The following MEA1 variants were observed in gnomAD, a reference collection of about 807,000 sequenced individuals.
MEA1 encodes the protein male-enhanced antigen 1, also known as Male-enhanced antigen (H-Y structural gene).
Under a neutral mutation model 21.4 loss-of-function variants are expected in MEA1, and 22 were observed. That is an observed-to-expected ratio of 1.03 (90% CI 0.73 to 1.47). The LOEUF (loss-of-function observed/expected upper bound fraction) is 1.47, where lower values mean the gene tolerates loss of function less well. Ranked by LOEUF, MEA1 falls within the 40% of genes most tolerant of loss-of-function variation. The pLI, the probability that MEA1 is intolerant of heterozygous loss-of-function variation, is 0.00. For synonymous variants in MEA1, 91 were observed against 85.5 expected (o/e 1.06, Z -0.35); for missense variants, 233 against 230.5 (o/e 1.01, Z -0.07).
chr6:43,013,689 C>T, intron 1 of MEA1, 97 bp downstream of exon 1: 2 of 1,307,768 alleles, frequency 1.5e-6, no homozygotes, highest in Non-Finnish European at 2.2e-6. Context: ...CGCGCCACGC[C>T]TCCCCCGCGA....
Position 43,012,332 on chromosome 6 carries a change from G to C in MEA1, c.*138C>G. On this transcript the variant is annotated 3_prime_UTR_variant, in exon 4 of 4. Transcript: ENST00000244711. The stretch of plus-strand genomic sequence containing the variant: ...ATATGTACAGAACTGAATAAAGTGG[G>C]TCTCTGAGAAGTCTGATGTGCCTTG... 6.8e-7 allele frequency: 1 copy of C among 1,471,946 alleles called. No homozygotes were observed. Among genetic ancestry groups the C allele is most frequent in the African/African-American group, 1.4e-5 (1 of 70,826 alleles). The allele number at this position is 1,471,946 out of a possible 1,614,324, so 91.2% of individuals were successfully genotyped here.
chr6:43,012,990 ACT>A lies in MEA1; in HGVS notation c.340_341del (p.Ser114Ter). 1 of 1,613,626 alleles carries A rather than the reference ACT, an allele frequency of 6.2e-7. No individual in the cohort carries two copies. Among genetic ancestry groups the A allele is most frequent in the Non-Finnish European group, 8.5e-7 (1 of 1,179,930 alleles). ...TAGCTCCCTCCTCATCTTCATCTTC[ACT>A]CTCTAATGGTGGGTCTGGCAAATGA... is the stretch of plus-strand genomic sequence containing the variant. ...GLHLPDPPLE[S>X]EDEDEEGATA... On this transcript the variant is annotated frameshift_variant, in exon 3 of 4. Transcript: ENST00000244711. LOFTEE classifies it high-confidence loss of function.
rs1358792077 is a variant in MEA1 at position 43,011,343 on chromosome 6, G to A, written c.*1127C>T. On this transcript the variant is annotated 3_prime_UTR_variant, in exon 4 of 4. Transcript: ENST00000244711. ...CACACAGCCCTGGGACACTGCCCTG[G>A]CCCTCCATACTCTGCTCCCTACTGG... The A allele has an allele frequency of 7.5e-6, 12 of 1,606,490 alleles. No homozygotes were observed. The East Asian group carries it at 2.7e-4, about 36-fold the overall frequency.
At chr6:43,015,004 T>C (rs1762527287), upstream of MEA1, among the ~76,000 whole-genome samples, 2 of 152,184 alleles carry the variant, frequency 1.3e-5, no homozygotes, top group South Asian at 4.1e-4. Flanking sequence ...GAGTTGTTTA[T>C]ATGGCAGAGA....
chr6:43,012,904 G>A (rs1486100617), intron 3 of MEA1, 22 bp downstream of exon 3: 27 of 1,596,252 alleles, frequency 1.7e-5, no homozygotes, highest in South Asian at 7.7e-5. Context: ...AATTATTCCA[G>A]AATGAAAGAA....
chr6:43,012,452 AGGC>A lies in MEA1; in HGVS notation c.*15_*17del. 17 of 1,578,870 alleles carry A rather than the reference AGGC, an allele frequency of 1.1e-5. No homozygotes were observed. The highest frequency in any genetic ancestry group is 1.5e-5 in the Non-Finnish European group (17 of 1,164,750). ...TTCTGGCCTGGAATGTAGGAATATA[AGGC>A]AGCTCTCACTGTGGTCACTTCCAGG... On this transcript the variant is annotated 3_prime_UTR_variant, in exon 4 of 4. Coordinates refer to ENST00000244711, the MANE Select transcript of MEA1 (RefSeq NM_014623.4).
chr6:43,011,239 C>T lies in MEA1; in HGVS notation c.*1231G>A, dbSNP rs1363040405. The T allele has an allele frequency of 6.2e-6, 10 of 1,613,958 alleles. No individual in the cohort carries two copies. The highest frequency in any genetic ancestry group is 8.5e-6 in the Non-Finnish European group (10 of 1,180,014). ...GTACACCATCAAGGCACTGGAGGCG[C>T]ACAAGCGGGCGGAAGAGTTCCTAAC... On this transcript the variant is annotated 3_prime_UTR_variant, in exon 4 of 4. Transcript: ENST00000244711.
At position 43,012,194 on chromosome 6, in the gene MEA1, G is replaced by A. The variant is rs1048652108; in HGVS notation, c.*276C>T. 43 of 1,141,872 alleles carry A rather than the reference G, an allele frequency of 3.8e-5. No homozygotes were observed. Among genetic ancestry groups the A allele is most frequent in the Non-Finnish European group, 4.4e-5 (41 of 930,616 alleles). The allele number at this position is 1,141,872 out of a possible 1,614,324, so 70.7% of individuals were successfully genotyped here. A position where few individuals can be genotyped will look rare whatever the true frequency, so the allele number is the denominator to read the frequency against. On this transcript the variant is annotated 3_prime_UTR_variant, in exon 4 of 4. Transcript: ENST00000244711. Reference sequence around the variant, plus strand: ...GAGGGGCCAGGGGCTGAGGAAGGCCGGACCCAGGTTCCAGGGGCGCAGGCA... The same window carrying A: ...GAGGGGCCAGGGGCTGAGGAAGGCCAGACCCAGGTTCCAGGGGCGCAGGCA...
In MEA1 at chr6:43,012,242, T is replaced by C. The variant is rs1386689285; in HGVS notation, c.*228A>G. ...GCAGTGCGGCTTTTGGCTGTGTACA[T>C]AGGGTGCTTTATTCTCCACAGAGTG... On this transcript the variant is annotated 3_prime_UTR_variant, in exon 4 of 4. Coordinates refer to ENST00000244711, the MANE Select transcript of MEA1 (RefSeq NM_014623.4). 4 of 1,264,406 alleles carry C rather than the reference T, an allele frequency of 3.2e-6. No homozygotes were observed. The highest frequency in any genetic ancestry group is 4.0e-6 in the Non-Finnish European group (4 of 1,003,248). 78.3% of individuals were successfully genotyped at this position (1,264,406 alleles called of 1,614,324 possible).
In MEA1 at chr6:43,012,211, G is replaced by T. The variant is rs544252415; in HGVS notation, c.*259C>A. On this transcript the variant is annotated 3_prime_UTR_variant, in exon 4 of 4. Transcript: ENST00000244711. ...GGAAGGCCGGACCCAGGTTCCAGGG[G>T]CGCAGGCAGTGCGGCTTTTGGCTGT... is the stretch of plus-strand genomic sequence containing the variant. 3 of 1,173,190 alleles carry T rather than the reference G, an allele frequency of 2.6e-6. No individual in the cohort carries two copies. In the African/African-American group the frequency reaches 4.7e-5, roughly 19 times the overall value. 72.7% of individuals were successfully genotyped at this position (1,173,190 alleles called of 1,614,324 possible). A position where few individuals can be genotyped will look rare whatever the true frequency, so the allele number is the denominator to read the frequency against.
chr6:43,014,209 G>T, upstream of MEA1: 1 of 1,298,562 alleles, frequency 7.7e-7, no homozygotes, highest in Non-Finnish European at 1.0e-6. Context: ...GACTGCACGT[G>T]CGCGCACAGC....
In MEA1 at chr6:43,011,264, C is replaced by G; in HGVS notation, c.*1206G>C. On this transcript the variant is annotated 3_prime_UTR_variant, in exon 4 of 4. Transcript: ENST00000244711. Reference sequence around the variant, plus strand: ...CACAAGCGGGCGGAAGAGTTCCTAACTGCCAGCCAGGAGGCTCTCTGACCC... The same window carrying G: ...CACAAGCGGGCGGAAGAGTTCCTAAGTGCCAGCCAGGAGGCTCTCTGACCC... 6.2e-7 allele frequency: 1 copy of G among 1,614,028 alleles called. No individual in the cohort carries two copies. The highest frequency in any genetic ancestry group is 1.1e-5 in the South Asian group (1 of 91,090).
chr6:43,014,248 TG>T, upstream of MEA1: 1 of 1,043,614 alleles, frequency 9.6e-7, no homozygotes, highest in Non-Finnish European at 1.3e-6. Flanking sequence ...AGCTTGGCTG[TG>T]TTTATCTCGT....
upstream of MEA1, chr6:43,014,055 G>T: frequency 7.0e-7 from 1 of 1,424,670 alleles, no homozygotes; most frequent in Non-Finnish European, 9.1e-7. Context: ...ACAAAGGACT[G>T]CATTACCCAG....
upstream of MEA1, chr6:43,014,115 A>G (rs755823060): frequency 4.8e-5 from 68 of 1,413,608 alleles, no homozygotes; most frequent in Middle Eastern, 2.6e-4. Flanking sequence ...AATCTCTCCT[A>G]CGCCCCTGCC....
rs769476708 is a variant in MEA1, at chr6:43,012,627, A to G, written c.407-6T>C. 2.7e-5 allele frequency: 43 copies of G among 1,591,650 alleles called. No homozygotes were observed. Among genetic ancestry groups the G allele is most frequent in the Non-Finnish European group, 3.7e-5 (43 of 1,170,710 alleles). On this transcript the variant is annotated splice_polypyrimidine_tract_variant and splice_region_variant and intron_variant, in intron 3 of 3. Transcript: ENST00000244711. ...TTTCACCAGCTCTACATGTTCTGAA[A>G]TCAGAGCCAGAGGCCATTCAGGCAT...
chr6:43,011,364 A>G lies in MEA1; in HGVS notation c.*1106T>C. On this transcript the variant is annotated 3_prime_UTR_variant, in exon 4 of 4. Transcript: ENST00000244711. ...CCTGGCCCTCCATACTCTGCTCCCT[A>G]CTGGCTGTCTTGGGGGAAGGCAGCG... is the stretch of plus-strand genomic sequence containing the variant. 6.4e-7 allele frequency: 1 copy of G among 1,572,946 alleles called. No individual in the cohort carries two copies.
intron 1 of MEA1, 178 bp from the exon 2 acceptor site, chr6:43,013,567 G>A (rs949985355): frequency 2.4e-6 from 2 of 847,138 alleles, no homozygotes; most frequent in Middle Eastern, 7.2e-4. Context: ...CTAAGTCGGG[G>A]TTCTTATCTT....
At position 43,012,963 on chromosome 6, in the gene MEA1, T is replaced by C. The variant is rs1228661596; in HGVS notation, c.369A>G (p.Thr123=). ...GAATAGAGCTGTGGTTGTTCAACGCTGTAGCTCCCTCCTCATCTTCATCTT... is the reference window on the plus strand; with the variant it reads ...GAATAGAGCTGTGGTTGTTCAACGCCGTAGCTCCCTCCTCATCTTCATCTT... ...ESEDEDEEGA[T]ALNNHSSIPM... The change falls in exon 3 of 4, where the codon ACA becomes ACG. Residue 123 remains threonine (T), a synonymous_variant. Coordinates refer to ENST00000244711, the MANE Select transcript of MEA1 (RefSeq NM_014623.4). 1 of 1,614,202 alleles carries C rather than the reference T, an allele frequency of 6.2e-7. No homozygotes were observed. Among genetic ancestry groups the C allele is most frequent in the Middle Eastern group, 1.6e-4 (1 of 6,062 alleles).
Sources: gnomAD v4.1 joint callset for allele counts (sites outside exome capture counted in the v4.1 genomes callset) on GRCh38, gnomAD v4.1.1 for gene constraint, MANE v1.5 for transcripts, NCBI Gene and HGNC (gene_info 2026-07-23, HGNC 2026-07-21) for gene names.